AGBL4: variants seen among roughly 807,000 people sequenced by gnomAD.
AGBL4 encodes the protein AGBL carboxypeptidase 4, also known as cytosolic carboxypeptidase 6.
A neutral mutation model predicts 66.4 loss-of-function variants in AGBL4; 58 were observed. The observed-to-expected ratio is 0.87, with a 90% CI of 0.71 to 1.09. The LOEUF is 1.09. Ranked by LOEUF, AGBL4 falls within the 50% of genes least tolerant of loss-of-function variation. The pLI, the probability that AGBL4 is intolerant of heterozygous loss-of-function variation, is 0.00. For missense variants in AGBL4, 579 were observed against 631.0 expected (o/e 0.92, Z 0.88); for synonymous variants, 234 against 222.9 (o/e 1.05, Z -0.44).
At chr1:48,777,423 C>A (rs1040899716) in intron 6 of AGBL4, among the ~76,000 whole-genome samples, 1 of 152,064 alleles carries the variant, frequency 6.6e-6, no homozygotes, top group African/African-American at 2.4e-5. Context: ...ACCCTACCCG[C>A]GCCCCCAGCC....
At chr1:49,146,944 A>T (rs1419372622) in intron 4 of AGBL4, among the ~76,000 whole-genome samples, 1 of 152,264 alleles carries the variant, frequency 6.6e-6, no homozygotes, top group Middle Eastern at 3.2e-3. Flanking sequence ...GCATGGAGGA[A>T]ATCATAATTC....
intron 6 of AGBL4, among the ~76,000 whole-genome samples, chr1:48,709,584 C>CATTATTACTATT (rs1646931852): frequency 7.0e-6 from 1 of 141,898 alleles, no homozygotes; most frequent in Non-Finnish European, 1.5e-5. Context: ...ATTTGCCAGG[C>CATTATTACTATT]ATTATTATTA....
intron 1 of AGBL4, among the ~76,000 whole-genome samples, chr1:49,917,827 G>A (rs555614784): frequency 1.3e-5 from 2 of 152,076 alleles, no homozygotes; most frequent in Non-Finnish European, 2.9e-5. Context: ...TGACCACATA[G>A]TTGGAAGTAA....
intron 6 of AGBL4, among the ~76,000 whole-genome samples, chr1:48,780,512 A>G (rs1177008728): frequency 6.6e-6 from 1 of 152,152 alleles, no homozygotes; most frequent in Non-Finnish European, 1.5e-5. Context: ...GCATCATGCT[A>G]CCTGACTTCA....
chr1:49,379,111 G>A (rs989251633), intron 3 of AGBL4, among the ~76,000 whole-genome samples: 1 of 151,936 alleles, frequency 6.6e-6, no homozygotes, highest in African/African-American at 2.4e-5. Flanking sequence ...AGCATCAGGG[G>A]GTCTAAACTC....
At chr1:49,878,499 C>G (rs1354908336) in intron 1 of AGBL4, among the ~76,000 whole-genome samples, 1,886 of 151,802 alleles carry the variant, frequency 0.012, 39 homozygotes, top group African/African-American at 0.043. Context: ...CTGAGTTCTA[C>G]TTTGATTGCA....
chr1:49,582,350 A>C (rs1644559809), intron 3 of AGBL4, among the ~76,000 whole-genome samples: 1 of 152,090 alleles, frequency 6.6e-6, no homozygotes, highest in Admixed American at 6.6e-5. Context: ...TCCTGGTCCC[A>C]GCTGTCACAG....
In AGBL4 at chr1:49,739,940, G is replaced by A. The variant is rs986209896; in HGVS notation, c.158-42503C>T. ...AAAGGAACAACCAGTACCGGCCACCGCAAAAACATGTCGAATTCTAAAGAC... is the reference window on the plus strand; with the variant it reads ...AAAGGAACAACCAGTACCGGCCACCACAAAAACATGTCGAATTCTAAAGAC... On this transcript the variant is annotated intron_variant, in intron 2 of 13. Transcript: ENST00000371839. 6.4e-4 allele frequency among the ~76,000 whole-genome samples: 97 copies of A among 152,206 alleles called. 1 individual carries two copies. Among genetic ancestry groups the A allele is most frequent in the African/African-American group, 2.1e-3 (86 of 41,520 alleles).
chr1:48,967,009 A>G (rs1364067147), intron 5 of AGBL4, among the ~76,000 whole-genome samples: 4 of 151,284 alleles, frequency 2.6e-5, no homozygotes, highest in Non-Finnish European at 5.9e-5. Context: ...GCCATATTGT[A>G]GTGTTCGGTT....
chr1:48,663,116 G>T, intron 7 of AGBL4, 36 bp downstream of exon 7: 2 of 1,594,554 alleles, frequency 1.3e-6, no homozygotes, highest in South Asian at 1.1e-5. Context: ...CCAGTTGGAT[G>T]TGGGTATAGG....
intron 4 of AGBL4, among the ~76,000 whole-genome samples, chr1:49,090,184 G>A (rs896003290): frequency 6.6e-6 from 1 of 152,096 alleles, no homozygotes. Flanking sequence ...AACAAGATAA[G>A]AATGCTCACT....
At chr1:49,796,370 CA>C (rs1644729547) in intron 2 of AGBL4, among the ~76,000 whole-genome samples, 1 of 150,742 alleles carries the variant, frequency 6.6e-6, no homozygotes, top group African/African-American at 2.4e-5. Context: ...GAAATGAAGA[CA>C]AAAAAATGTA....
chr1:48,683,626 G>A (rs1646488400), intron 6 of AGBL4, among the ~76,000 whole-genome samples: 1 of 152,182 alleles, frequency 6.6e-6, no homozygotes, highest in South Asian at 2.1e-4. Flanking sequence ...GTGTAAGGCT[G>A]GGCCTCAAAG....
chr1:49,960,662 T>C (rs1022523630), intron 1 of AGBL4, among the ~76,000 whole-genome samples: 1 of 152,156 alleles, frequency 6.6e-6, no homozygotes, highest in African/African-American at 2.4e-5. Context: ...AAAACATCAC[T>C]GTGTATCTCA....
intron 3 of AGBL4, among the ~76,000 whole-genome samples, chr1:49,326,635 T>C (rs1380298011): frequency 1.3e-5 from 2 of 152,040 alleles, no homozygotes; most frequent in African/African-American, 2.4e-5. Flanking sequence ...AGATTAAGGA[T>C]TATATGGTAT....
chr1:49,603,800 G>A (rs1178962876), intron 3 of AGBL4, among the ~76,000 whole-genome samples: 1 of 151,996 alleles, frequency 6.6e-6, no homozygotes, highest in Non-Finnish European at 1.5e-5. Context: ...GCACTTGTAA[G>A]TGAGAACATG....
At chr1:49,006,894 G>C (rs1661883746) in intron 5 of AGBL4, among the ~76,000 whole-genome samples, 1 of 131,944 alleles carries the variant, frequency 7.6e-6, no homozygotes, top group Non-Finnish European at 1.6e-5. Context: ...CATCATCAAA[G>C]ACCAAAAGTA....
chr1:49,344,071 A>G (rs1231434432), intron 3 of AGBL4, among the ~76,000 whole-genome samples: 1 of 152,212 alleles, frequency 6.6e-6, no homozygotes, highest in African/African-American at 2.4e-5. Context: ...GAGGACATGT[A>G]GAGTTAGCCA....
intron 3 of AGBL4, among the ~76,000 whole-genome samples, chr1:49,426,594 G>A (rs1190454006): frequency 1.3e-5 from 2 of 149,980 alleles, no homozygotes; most frequent in African/African-American, 4.9e-5. Context: ...TCATATTTCA[G>A]TTGAGCAATA....
Sources: allele counts gnomAD v4.1 joint callset (sites outside exome capture counted in the v4.1 genomes callset), GRCh38; gene constraint gnomAD v4.1.1; transcripts MANE v1.5; gene names NCBI Gene and HGNC (gene_info 2026-07-23, HGNC 2026-07-21).